The following JMJD1C variants were observed in gnomAD, a reference collection of about 807,000 sequenced individuals.
JMJD1C encodes jumonji domain-containing protein 1C.
Under a neutral mutation model 245.3 loss-of-function variants are expected in JMJD1C, and 31 were observed. That is an observed-to-expected ratio of 0.13 (90% CI 0.09 to 0.17). JMJD1C has a LOEUF of 0.17. Among genes scored for constraint, JMJD1C ranks in the 10% least tolerant of loss-of-function variants. The pLI is 1.00. For synonymous variants in JMJD1C, 1,057 were observed against 1,017.4 expected (o/e 1.04, Z -0.74); for missense variants, 2,691 against 3,000.2 (o/e 0.90, Z 2.41).
intron 2 of JMJD1C, among the ~76,000 whole-genome samples, chr10:63,343,140 C>A (rs1382823734): frequency 6.6e-6 from 1 of 151,974 alleles, no homozygotes; most frequent in Non-Finnish European, 1.5e-5. Context: ...GATAGGCAGA[C>A]CGCTTGAGCT....
chr10:63,516,605 A>G (rs1485797267), intron 1 of JMJD1C, among the ~76,000 whole-genome samples: 1 of 152,200 alleles, frequency 6.6e-6, no homozygotes, highest in East Asian at 1.9e-4. Context: ...ACACAAAACC[A>G]TATTTTACCA....
intron 1 of JMJD1C, among the ~76,000 whole-genome samples, chr10:63,402,838 T>C (rs1269634741): frequency 1.3e-5 from 2 of 152,166 alleles, no homozygotes; most frequent in African/African-American, 4.8e-5. Flanking sequence ...TATTTTAAAA[T>C]TTAGCATTCC....
At chr10:63,282,408 C>T (rs985521181) in intron 2 of JMJD1C, among the ~76,000 whole-genome samples, 7 of 152,084 alleles carry the variant, frequency 4.6e-5, no homozygotes, top group African/African-American at 1.7e-4. Context: ...AAGTTTCTAC[C>T]ATATTTCTTT....
intron 1 of JMJD1C, among the ~76,000 whole-genome samples, chr10:63,474,449 T>G (rs2133162442): frequency 6.6e-6 from 1 of 152,084 alleles, no homozygotes; most frequent in East Asian, 1.9e-4. Flanking sequence ...ACACCTTTTT[T>G]TTTTGTTTTT....
At chr10:63,241,397 G>T (rs558530466) in intron 3 of JMJD1C, among the ~76,000 whole-genome samples, 1 of 152,270 alleles carries the variant, frequency 6.6e-6, no homozygotes, top group East Asian at 1.9e-4. Flanking sequence ...TGTTAAAGCT[G>T]CATGCTACAT....
chr10:63,274,674 C>T (rs1206480605), intron 2 of JMJD1C, among the ~76,000 whole-genome samples: 1 of 152,134 alleles, frequency 6.6e-6, no homozygotes, highest in Admixed American at 6.5e-5. Flanking sequence ...ATGATTTCTA[C>T]AAGGATTTCT....
At chr10:63,513,830 G>A (rs569455107) in intron 1 of JMJD1C, among the ~76,000 whole-genome samples, 77 of 152,146 alleles carry the variant, frequency 5.1e-4, no homozygotes, top group South Asian at 1.0e-3. Context: ...GGAGAATGGC[G>A]TGAACCCGGG....
At chr10:63,401,921 G>A (rs2132592008) in intron 1 of JMJD1C, among the ~76,000 whole-genome samples, 1 of 152,190 alleles carries the variant, frequency 6.6e-6, no homozygotes, top group South Asian at 2.1e-4. Flanking sequence ...GATCACCTGA[G>A]GTCGGGAGTT....
intron 2 of JMJD1C, among the ~76,000 whole-genome samples, chr10:63,272,719 C>T (rs1478847973): frequency 6.6e-6 from 1 of 152,124 alleles, no homozygotes; most frequent in Admixed American, 6.6e-5. Context: ...AAAGCAAATG[C>T]TTAATACAGC....
intron 1 of JMJD1C, among the ~76,000 whole-genome samples, chr10:63,383,838 G>A (rs1947391584): frequency 6.6e-6 from 1 of 152,244 alleles, no homozygotes; most frequent in East Asian, 1.9e-4. Context: ...AACGTTTTTG[G>A]CTGCTGACTG....
chr10:63,378,289 C>T (rs573805115), intron 2 of JMJD1C, among the ~76,000 whole-genome samples: 25 of 152,088 alleles, frequency 1.6e-4, no homozygotes, highest in Non-Finnish European at 2.9e-4. Context: ...TCTTAATTGC[C>T]TTTAAGAAAG....
intron 3 of JMJD1C, among the ~76,000 whole-genome samples, chr10:63,262,371 T>C (rs1311877876): frequency 2.6e-5 from 4 of 152,154 alleles, no homozygotes; most frequent in Non-Finnish European, 4.4e-5. Flanking sequence ...TAGGTATCTG[T>C]AGTAAATTTT....
At chr10:63,454,500 G>A (rs142458084) in intron 1 of JMJD1C, among the ~76,000 whole-genome samples, 190 of 151,536 alleles carry the variant, frequency 1.3e-3, no homozygotes, top group East Asian at 4.3e-3. Context: ...CTCAGCTCAC[G>A]GCAACCTCCA....
intron 10 of JMJD1C, among the ~76,000 whole-genome samples, chr10:63,205,785 C>T (rs777622888): frequency 7.9e-5 from 12 of 152,124 alleles, no homozygotes; most frequent in Non-Finnish European, 1.5e-4. Context: ...CACAGTCTTA[C>T]GATCTTATAT....
Position 63,213,701 on chromosome 10 carries a change from G to A in JMJD1C, c.2466C>T (p.Ser822=). Residue 822 remains serine (S), a synonymous_variant, in exon 8 of 26, where the codon AGC becomes AGT. Transcript: ENST00000399262. ...HPRLESAHAS[S]LSHLALAHQQ... ...GGTGTGCTAGCGCTAAGTGGCTCAA[G>A]CTGCTGGCATGAGCACTCTCTAGTC... 6.2e-7 allele frequency: 1 copy of A among 1,614,218 alleles called. No individual in the cohort carries two copies. Among genetic ancestry groups the A allele is most frequent in the East Asian group, 2.2e-5 (1 of 44,884 alleles).
At chr10:63,419,643 G>A (rs1293961794) in intron 1 of JMJD1C, among the ~76,000 whole-genome samples, 1 of 151,994 alleles carries the variant, frequency 6.6e-6, no homozygotes, top group Non-Finnish European at 1.5e-5. Context: ...GATTGAGTTA[G>A]AATTCAGAAA....
chr10:63,331,761 G>GC (rs1163719415), intron 2 of JMJD1C, among the ~76,000 whole-genome samples: 1 of 152,076 alleles, frequency 6.6e-6, no homozygotes, highest in East Asian at 1.9e-4. Context: ...CACACCACAG[G>GC]CATGTGCCAC....
chr10:63,490,106 T>C (rs1954120403), intron 1 of JMJD1C, among the ~76,000 whole-genome samples: 1 of 152,210 alleles, frequency 6.6e-6, no homozygotes, highest in African/African-American at 2.4e-5. Context: ...CCCCAGTCCT[T>C]GGAAACATTG....
chr10:63,499,300 T>TGGGA (rs1954463055), intron 1 of JMJD1C, among the ~76,000 whole-genome samples: 1 of 152,226 alleles, frequency 6.6e-6, no homozygotes, highest in Non-Finnish European at 1.5e-5. Flanking sequence ...TCATACTATT[T>TGGGA]TCCATAGCAG....
Sources: allele counts gnomAD v4.1 joint callset (sites outside exome capture counted in the v4.1 genomes callset), GRCh38; gene constraint gnomAD v4.1.1; transcripts MANE v1.5; gene names NCBI Gene and HGNC (gene_info 2026-07-23, HGNC 2026-07-21).